STK32B: variants seen among roughly 807,000 people sequenced by gnomAD.
STK32B encodes the protein serine/threonine kinase 32B, also known as serine/threonine-protein kinase 32B.
In STK32B, 43 loss-of-function variants were observed where a neutral mutation model predicts 52.6. That is an observed-to-expected ratio of 0.82 (90% CI 0.64 to 1.05). The LOEUF is 1.05. Among genes scored for constraint, STK32B ranks in the 50% least tolerant of loss-of-function variants. The pLI is 0.00. For missense variants in STK32B, 621 were observed against 534.6 expected (o/e 1.16, Z -1.59); for synonymous variants, 238 against 204.3 (o/e 1.17, Z -1.41).
chr4:5,277,575 CTT>C (rs1373537120), intron 3 of STK32B, among the ~76,000 whole-genome samples: 1 of 152,156 alleles, frequency 6.6e-6, no homozygotes, highest in African/African-American at 2.4e-5. Context: ...GATAAAATCT[CTT>C]TTCACCTGCC....
chr4:5,228,841 C>G (rs1463809010), intron 3 of STK32B, among the ~76,000 whole-genome samples: 2 of 152,044 alleles, frequency 1.3e-5, no homozygotes, highest in Non-Finnish European at 2.9e-5. Context: ...GTGGTGGGTG[C>G]CTGTAATCCC....
At chr4:5,336,252 G>T (rs1025164803) in intron 4 of STK32B, among the ~76,000 whole-genome samples, 13 of 151,298 alleles carry the variant, frequency 8.6e-5, no homozygotes, top group Admixed American at 5.9e-4. Flanking sequence ...GATTTCAATG[G>T]GAATGTGACT....
intron 1 of STK32B, among the ~76,000 whole-genome samples, chr4:5,099,054 A>G (rs1713558411): frequency 6.6e-6 from 1 of 152,186 alleles, no homozygotes. Context: ...CAGAAGGGAT[A>G]GTTCTTTCTG....
At chr4:5,093,766 C>A (rs548602603) in intron 1 of STK32B, among the ~76,000 whole-genome samples, 1 of 152,160 alleles carries the variant, frequency 6.6e-6, no homozygotes, top group Non-Finnish European at 1.5e-5. Context: ...TTTGTTGCCC[C>A]TCTAAATGTG....
intron 11 of STK32B, among the ~76,000 whole-genome samples, chr4:5,484,784 G>A (rs1317514033): frequency 1.3e-5 from 2 of 152,110 alleles, no homozygotes; most frequent in Non-Finnish European, 2.9e-5. Context: ...GGCAGGCCTG[G>A]TGGTGACAAA....
At chr4:5,191,795 C>T (rs1721225547) in intron 3 of STK32B, among the ~76,000 whole-genome samples, 1 of 152,172 alleles carries the variant, frequency 6.6e-6, no homozygotes, top group Non-Finnish European at 1.5e-5. Context: ...GAATTACGGG[C>T]TTAACAAAAT....
At chr4:5,291,339 G>A (rs924205419) in intron 3 of STK32B, among the ~76,000 whole-genome samples, 15 of 152,006 alleles carry the variant, frequency 9.9e-5, no homozygotes, top group African/African-American at 3.6e-4. Context: ...TTTCAATGAT[G>A]TTTTGTAGTT....
chr4:5,332,324 A>C (rs541374592), intron 4 of STK32B, among the ~76,000 whole-genome samples: 6 of 152,148 alleles, frequency 3.9e-5, no homozygotes, highest in Non-Finnish European at 8.8e-5. Flanking sequence ...AGGAAACGGG[A>C]AACTGAATTT....
At chr4:5,415,130 C>G (rs972310395) in intron 5 of STK32B, among the ~76,000 whole-genome samples, 1 of 152,134 alleles carries the variant, frequency 6.6e-6, no homozygotes, top group Admixed American at 6.5e-5. Context: ...ATAGATTTGT[C>G]CTGGCTGGAG....
chr4:5,468,499 G>A (rs752698023), intron 11 of STK32B, among the ~76,000 whole-genome samples: 14 of 152,344 alleles, frequency 9.2e-5, no homozygotes, highest in East Asian at 5.8e-4. Context: ...TCCTTAAGAC[G>A]CGGGGCTGTG....
At chr4:5,089,030 A>G (rs1712897458) in intron 1 of STK32B, among the ~76,000 whole-genome samples, 1 of 152,040 alleles carries the variant, frequency 6.6e-6, no homozygotes, top group Non-Finnish European at 1.5e-5. Context: ...GAGGTCTACA[A>G]AATTGTCAAG....
chr4:5,255,286 A>G (rs1726219476), intron 3 of STK32B, among the ~76,000 whole-genome samples: 2 of 152,198 alleles, frequency 1.3e-5, no homozygotes, highest in South Asian at 4.1e-4. Context: ...TTGTCATTGT[A>G]TGTAGAAAAT....
At chr4:5,164,497 C>G (rs775442803) in intron 2 of STK32B, among the ~76,000 whole-genome samples, 3 of 152,166 alleles carry the variant, frequency 2.0e-5, no homozygotes, top group South Asian at 2.1e-4. Context: ...TGTCTTAGTC[C>G]GCCTGGGCTG....
intron 3 of STK32B, among the ~76,000 whole-genome samples, chr4:5,214,870 T>C (rs1246241125): frequency 6.6e-6 from 1 of 152,244 alleles, no homozygotes; most frequent in African/African-American, 2.4e-5. Flanking sequence ...GTTAAAGTTT[T>C]AAGAGGAAGC....
rs79446763 is a variant in STK32B at position 5,124,659 on chromosome 4, A to G, written c.53-15246A>G. 1.2e-3 allele frequency among the ~76,000 whole-genome samples: 185 copies of G among 152,346 alleles called. 3 individuals are homozygous for G. The East Asian group carries it at 0.015, about 13-fold the overall frequency. ...TTATTATTCCAGTTTGTGTTAGGCT[A>G]CTAAGGGAACAAGACTGTGTGTATG... On this transcript the variant is annotated intron_variant, in intron 1 of 11. Coordinates refer to ENST00000282908, the MANE Select transcript of STK32B (RefSeq NM_018401.3).
intron 6 of STK32B, among the ~76,000 whole-genome samples, chr4:5,422,482 T>C (rs192686198): frequency 5.3e-5 from 8 of 152,292 alleles, no homozygotes; most frequent in Non-Finnish European, 1.0e-4. Flanking sequence ...GGCTGAATTT[T>C]CATTAATTGA....
chr4:5,460,953 T>G lies in STK32B; in HGVS notation c.909+725T>G, dbSNP rs1197052912. On this transcript the variant is annotated intron_variant, in intron 9 of 11. Coordinates refer to ENST00000282908, the MANE Select transcript of STK32B (RefSeq NM_018401.3). The surrounding 1 kb of genome is among the most constrained non-coding windows in gnomAD (Gnocchi z 4.8). ...TGTTTAAGGCAGGGAAGTGAAAGCA[T>G]TGGATTTACATTTTAAAGGAGGGTT... Among the ~76,000 whole-genome samples, 1 of 152,148 alleles carries G rather than the reference T, an allele frequency of 6.6e-6. No homozygotes were observed. The highest frequency in any genetic ancestry group is 1.5e-5 in the Non-Finnish European group (1 of 68,022).
rs1722848493 is a variant in STK32B, at chr4:5,210,593, A to G, written c.260+42143A>G. Among the ~76,000 whole-genome samples the G allele has an allele frequency of 1.3e-5, 2 of 152,102 alleles. 1 individual carries two copies. The highest frequency in any genetic ancestry group is 4.8e-5 in the African/African-American group (2 of 41,412). On this transcript the variant is annotated intron_variant, in intron 3 of 11. Transcript: ENST00000282908. ...GGCTTATGTCTGTGATTCCCTTACTAGACTTCAAATTCCATGAAGGCAGGG... is the reference window on the plus strand; with the variant it reads ...GGCTTATGTCTGTGATTCCCTTACTGGACTTCAAATTCCATGAAGGCAGGG...
intron 6 of STK32B, among the ~76,000 whole-genome samples, chr4:5,439,009 A>C (rs1451479790): frequency 1.3e-5 from 2 of 151,448 alleles, no homozygotes. Context: ...TCATTGTTGG[A>C]CATTTGGGTT....
Sources: allele counts gnomAD v4.1 joint callset (sites outside exome capture counted in the v4.1 genomes callset), GRCh38; gene constraint gnomAD v4.1.1; non-coding constraint Gnocchi (gnomAD v3.1); transcripts MANE v1.5; gene names NCBI Gene and HGNC (gene_info 2026-07-23, HGNC 2026-07-21).